CREM: variants seen among roughly 807,000 people sequenced by gnomAD.
CREM encodes the protein cAMP responsive element modulator.
Under a neutral mutation model 37.3 loss-of-function variants are expected in CREM, and 13 were observed. The ratio of observed to expected loss-of-function variants is 0.35; its 90% CI spans 0.23 to 0.55. The LOEUF is 0.55. CREM is among the 20% of genes least tolerant of loss of function. The probability of loss-of-function intolerance (pLI) is 0.88; values close to 1 mark genes in which losing one functional copy is unlikely to be tolerated. For missense variants in CREM, 296 were observed against 362.3 expected (o/e 0.82, Z 1.49); for synonymous variants, 124 against 120.2 (o/e 1.03, Z -0.21).
chr10:35,137,953 T>C (rs1316233883), intron 2 of CREM, 74 bp downstream of exon 2: 52 of 1,164,182 alleles, frequency 4.5e-5, no homozygotes, highest in Middle Eastern at 4.5e-4. Context: ...TAAATTGATA[T>C]ATAGATGTAC....
intron 5 of CREM, among the ~76,000 whole-genome samples, chr10:35,187,172 AATATTAATATATAAAT>A (rs1378493188): frequency 2.6e-4 from 11 of 41,650 alleles, no homozygotes; most frequent in Middle Eastern, 9.6e-3. Flanking sequence ...ATTATATATT[AATATTAATATATAAAT>A]ATATTAATAT....
At position 35,211,566 on chromosome 10, in the gene CREM, C is replaced by T. The variant is rs540222146; in HGVS notation, c.*168C>T. On this transcript the variant is annotated 3_prime_UTR_variant, in exon 8 of 8. Coordinates refer to ENST00000685392, the MANE Select transcript of CREM (RefSeq NM_183011.2). ...GTTGTTCCAGGATGTGGAATGCAGC[C>T]GTGATCACACTTACCGAGCTTACTT... The T allele has an allele frequency of 8.5e-6, 13 of 1,524,174 alleles. No individual in the cohort carries two copies. Among genetic ancestry groups the T allele is most frequent in the Middle Eastern group, 1.8e-4 (1 of 5,704 alleles). 94.4% of individuals were successfully genotyped at this position (1,524,174 alleles called of 1,614,324 possible).
At chr10:35,197,929 G>A (rs2095260609) in intron 6 of CREM, among the ~76,000 whole-genome samples, 2 of 152,084 alleles carry the variant, frequency 1.3e-5, no homozygotes, top group African/African-American at 4.8e-5. Context: ...TTTCAACCAT[G>A]ACCCACGTTA....
At chr10:35,211,041 T>C (rs1317722735) in intron 7 of CREM, among the ~76,000 whole-genome samples, 1 of 152,242 alleles carries the variant, frequency 6.6e-6, no homozygotes. Context: ...CCATTTGTGA[T>C]GAATGCTGGG....
intron 1 of CREM, among the ~76,000 whole-genome samples, chr10:35,132,362 C>CA (rs1341481142): frequency 6.6e-6 from 1 of 151,976 alleles, no homozygotes; most frequent in Admixed American, 6.6e-5. Flanking sequence ...GTGAAATGGC[C>CA]AAAAGCAGGC....
chr10:35,192,351 CGTTTTGTTTT>C (rs1052340027), intron 6 of CREM, among the ~76,000 whole-genome samples: 1 of 151,994 alleles, frequency 6.6e-6, no homozygotes, highest in Non-Finnish European at 1.5e-5. Context: ...TGTTTTGTTT[CGTTTTGTTTT>C]GTTTTGAGAC....
chr10:35,172,558 G>A (rs2093870952), intron 3 of CREM, among the ~76,000 whole-genome samples: 1 of 130,356 alleles, frequency 7.7e-6, no homozygotes, highest in African/African-American at 2.9e-5. Flanking sequence ...ATTCTTCACT[G>A]CCATCCACTT....
intron 3 of CREM, among the ~76,000 whole-genome samples, chr10:35,175,314 C>G (rs544865067): frequency 2.0e-5 from 3 of 152,060 alleles, no homozygotes; most frequent in East Asian, 3.9e-4. Context: ...AGCGTGGTGG[C>G]GGGCACCTGT....
Position 35,212,231 on chromosome 10 carries a change from C to T in CREM, c.*833C>T, listed in dbSNP as rs1489107243. 1 of 153,466 alleles carries T rather than the reference C, an allele frequency of 6.5e-6. No individual in the cohort carries two copies. The highest frequency in any genetic ancestry group is 2.4e-5 in the African/African-American group (1 of 41,420). The allele number at this position is 153,466 out of a possible 1,614,324, so 9.5% of individuals were successfully genotyped here. On this transcript the variant is annotated 3_prime_UTR_variant, in exon 8 of 8. Transcript: ENST00000685392. ...AATAGAAAGAAAGTCTATCTAATGA[C>T]ATGCCTATATGAGAAGAATAGCCTA...
At chr10:35,180,813 G>A (rs1302166412) in intron 5 of CREM, among the ~76,000 whole-genome samples, 2 of 152,134 alleles carry the variant, frequency 1.3e-5, no homozygotes, top group Non-Finnish European at 2.9e-5. Flanking sequence ...TCGTCCCCCC[G>A]TCCCCAGAGG....
chr10:35,209,181 G>A (rs1470356800), intron 7 of CREM: 1 of 397,522 alleles, frequency 2.5e-6, no homozygotes, highest in East Asian at 1.6e-4. Context: ...TCCTGGGGAA[G>A]TGTGAGGCTT....
intron 6 of CREM, 54 bp downstream of exon 6, chr10:35,188,442 C>CCATT: frequency 7.0e-7 from 1 of 1,428,200 alleles, no homozygotes; most frequent in Non-Finnish European, 9.4e-7. Context: ...CTATATCACA[C>CCATT]CATTGAGTGG....
chr10:35,183,846 G>T lies in CREM; in HGVS notation c.410-4354G>T, dbSNP rs547581963. 2.6e-5 allele frequency among the ~76,000 whole-genome samples: 4 copies of T among 152,312 alleles called. No homozygotes were observed. The East Asian group carries it at 7.7e-4, about 29-fold the overall frequency. On this transcript the variant is annotated intron_variant, in intron 5 of 7. Coordinates refer to ENST00000685392, the MANE Select transcript of CREM (RefSeq NM_183011.2). ...TCCCAGCACTTTGGGAGGCTGAGGT[G>T]GGCGGATCACCTGAGGTCAGGCATT...
intron 6 of CREM, chr10:35,195,127 T>C (rs1400567057): frequency 6.3e-7 from 1 of 1,579,948 alleles, no homozygotes; most frequent in East Asian, 2.3e-5. Context: ...CTTGCTAATT[T>C]GGAACACTTT....
intron 6 of CREM, chr10:35,195,282 G>T: frequency 6.4e-7 from 1 of 1,572,218 alleles, no homozygotes; most frequent in Non-Finnish European, 8.7e-7. Flanking sequence ...AAGTATTCAG[G>T]AACATCTGAG....
chr10:35,150,379 C>T (rs552029674), intron 3 of CREM, among the ~76,000 whole-genome samples: 10 of 152,178 alleles, frequency 6.6e-5, no homozygotes, highest in South Asian at 6.2e-4. Flanking sequence ...AGGTGGGTCC[C>T]GGCTCACTAA....
intron 6 of CREM, among the ~76,000 whole-genome samples, chr10:35,204,890 G>T (rs1411111207): frequency 6.6e-6 from 1 of 152,118 alleles, no homozygotes; most frequent in Non-Finnish European, 1.5e-5. Flanking sequence ...AGCTGACAAA[G>T]TATTTGTCTC....
At chr10:35,200,411 A>G (rs560140824) in intron 6 of CREM, among the ~76,000 whole-genome samples, 46 of 152,362 alleles carry the variant, frequency 3.0e-4, no homozygotes, top group African/African-American at 1.0e-3. Context: ...GCATCACATT[A>G]TACACTTTGA....
chr10:35,132,141 C>T (rs1439016296), intron 1 of CREM, among the ~76,000 whole-genome samples: 1 of 144,714 alleles, frequency 6.9e-6, no homozygotes, highest in Non-Finnish European at 1.5e-5. Flanking sequence ...TTGGAGGTTG[C>T]AGTGAGCCGA....
Sources: allele counts gnomAD v4.1 joint callset (sites outside exome capture counted in the v4.1 genomes callset), GRCh38; gene constraint gnomAD v4.1.1; transcripts MANE v1.5; gene names NCBI Gene and HGNC (gene_info 2026-07-23, HGNC 2026-07-21).